The following ZC4H2 variants were observed in gnomAD, a reference collection of about 807,000 sequenced individuals.
ZC4H2 encodes zinc finger C4H2-type containing.
For missense variants in ZC4H2, 137 were observed against 173.9 expected, an observed-to-expected ratio of 0.79 and a Z score of 1.19; for synonymous variants, 84 against 66.3, an observed-to-expected ratio of 1.27 and a Z score of -1.30.
intron 1 of ZC4H2, among the ~76,000 whole-genome samples, chrX:64,983,745 G>A (rs945969103): frequency 2.7e-5 from 3 of 111,253 alleles, no homozygotes; most frequent in South Asian, 3.8e-4. Flanking sequence ...GTAGCTCTAC[G>A]GAATAGTATT....
chrX:64,964,234 A>G (rs978841540), intron 1 of ZC4H2, among the ~76,000 whole-genome samples: 1 of 111,307 alleles, frequency 9.0e-6, no homozygotes, highest in African/African-American at 3.3e-5. Flanking sequence ...AATCAAATTA[A>G]ATTAAATTGA....
At chrX:64,930,648 T>A (rs939538683) in intron 1 of ZC4H2, among the ~76,000 whole-genome samples, 3 of 112,414 alleles carry the variant, frequency 2.7e-5, no homozygotes, top group Non-Finnish European at 5.6e-5. Flanking sequence ...TTTGATTCTG[T>A]TTATGTGATG....
upstream of ZC4H2, among the ~76,000 whole-genome samples, chrX:64,981,112 T>C (rs1159916104): frequency 1.4e-4 from 15 of 108,865 alleles, no homozygotes; most frequent in African/African-American, 5.0e-4. Flanking sequence ...GCTTAGCCTA[T>C]GAAAAAAAAA....
intron 1 of ZC4H2, among the ~76,000 whole-genome samples, chrX:64,953,656 A>C (rs1295954089): frequency 8.9e-6 from 1 of 112,043 alleles, no homozygotes; most frequent in African/African-American, 3.2e-5. Context: ...ATCATTAAAA[A>C]GTCAGGGAAC....
chrX:64,981,441 G>T (rs779596138), upstream of ZC4H2, among the ~76,000 whole-genome samples: 2 of 110,923 alleles, frequency 1.8e-5, no homozygotes, highest in South Asian at 7.8e-4. Flanking sequence ...TAGATATGAA[G>T]AAAAATGGGC....
chrX:64,919,528 C>T (rs1929085245), intron 3 of ZC4H2: 1 of 185,760 alleles, frequency 5.4e-6, no homozygotes, highest in Admixed American at 6.9e-5. Flanking sequence ...CCTCTGGTGA[C>T]ATATCTCTAA....
intron 1 of ZC4H2, among the ~76,000 whole-genome samples, chrX:64,954,356 TTA>T (rs777562741): frequency 0.076 from 5,102 of 67,318 alleles, 225 homozygotes; most frequent in Non-Finnish European, 0.093. Context: ...ATATATATAA[TTA>T]TATATATATA....
At position 64,921,930 on chromosome X, in the gene ZC4H2, G is replaced by C; in HGVS notation, c.112C>G (p.Leu38Val). The change falls in exon 2 of 5, where the codon CTT (leucine) becomes GTT (valine). Residue 38 changes from leucine (L) to valine (V), a missense_variant. Physicochemically the swap from Leu to Val is conservative, Grantham distance 32 (BLOSUM62 1). Transcript: ENST00000374839. ...TTCAGGTGCCTTTCCTCTGACTCAAGTGCCTCAAACTCAGCCTTCAAACGA... is the reference window on the plus strand; with the variant it reads ...TTCAGGTGCCTTTCCTCTGACTCAACTGCCTCAAACTCAGCCTTCAAACGA... ...KARLKAEFEA[L>V]ESEERHLKEY... 1 of 1,210,992 alleles carries C rather than the reference G, an allele frequency of 8.3e-7. No homozygotes were observed. The highest frequency in any genetic ancestry group is 1.1e-6 in the Non-Finnish European group (1 of 895,438).
At chrX:64,976,531 A>G, upstream of ZC4H2, 2 of 535,110 alleles carry the variant, frequency 3.7e-6, no homozygotes, top group East Asian at 3.4e-5. Flanking sequence ...CCGGAGCTTC[A>G]GGGCCAGCCA....
At chrX:64,999,039 GTTTTTTTTTT>G (rs58094683) in intron 1 of ZC4H2, among the ~76,000 whole-genome samples, 1 of 11,841 alleles carries the variant, frequency 8.4e-5, no homozygotes, top group Non-Finnish European at 1.5e-4. Flanking sequence ...TGGATTATGT[GTTTTTTTTTT>G]TTTTTTTTTT....
At chrX:65,022,365 T>C (rs1569232928) in intron 1 of ZC4H2, among the ~76,000 whole-genome samples, 2 of 111,969 alleles carry the variant, frequency 1.8e-5, no homozygotes, top group East Asian at 2.8e-4. Context: ...GCAAGGCTGG[T>C]TGACCATATG....
At chrX:64,928,779 CTTCTTCTTCTTT>C (rs1219174521) in intron 1 of ZC4H2, among the ~76,000 whole-genome samples, 2 of 99,459 alleles carry the variant, frequency 2.0e-5, no homozygotes, top group East Asian at 3.1e-4. Context: ...TTCTTCTTCT[CTTCTTCTTCTTT>C]TTCTTCTCCT....
chrX:64,960,401 T>A (rs559620898), intron 1 of ZC4H2, among the ~76,000 whole-genome samples: 4 of 111,259 alleles, frequency 3.6e-5, no homozygotes, highest in African/African-American at 1.3e-4. Context: ...TTAGCACACG[T>A]GTATAAGAAA....
rs185779607 is a variant in ZC4H2 at position 64,919,905 on chromosome X, C to G, written c.398+176G>C. 39 of 410,329 alleles carry G rather than the reference C, an allele frequency of 9.5e-5. No individual in the cohort carries two copies. The East Asian group carries it at 1.5e-3, about 16-fold the overall frequency. 33.8% of individuals were successfully genotyped at this position (410,329 alleles called of 1,213,427 possible). A position where few individuals can be genotyped will look rare whatever the true frequency, so the allele number is the denominator to read the frequency against. ...CTGTTTTAACAAGCTGGCACAGAGA[C>G]TTGCCCAAGATCACACAGTGAGTAA... On this transcript the variant is annotated intron_variant, in intron 3 of 4. Transcript: ENST00000374839.
chrX:64,928,791 TTTCTTCTCCTTC>T (rs200029416), intron 1 of ZC4H2, among the ~76,000 whole-genome samples: 2,403 of 98,790 alleles, frequency 0.024, 103 homozygotes, highest in African/African-American at 0.084. Context: ...TCTTCTTCTT[TTTCTTCTCCTTC>T]TTCTTCTCCT....
intron 1 of ZC4H2, among the ~76,000 whole-genome samples, chrX:64,930,566 T>C (rs1402417928): frequency 8.9e-6 from 1 of 111,954 alleles, no homozygotes; most frequent in South Asian, 3.7e-4. Context: ...TTTGTGAGTG[T>C]TTTTATAAAA....
intron 1 of ZC4H2, among the ~76,000 whole-genome samples, chrX:64,924,903 A>G (rs772210627): frequency 9.0e-6 from 1 of 111,171 alleles, no homozygotes; most frequent in Non-Finnish European, 1.9e-5. Context: ...CCTCAGTGGA[A>G]GGGGAATTTT....
chrX:65,009,663 T>C (rs1448409135), intron 1 of ZC4H2, among the ~76,000 whole-genome samples: 1 of 112,153 alleles, frequency 8.9e-6, no homozygotes, highest in Non-Finnish European at 1.9e-5. Context: ...TTATGAAAGA[T>C]TCAGGTTCCC....
chrX:64,974,796 G>A (rs868622424), intron 1 of ZC4H2, among the ~76,000 whole-genome samples: 2 of 109,112 alleles, frequency 1.8e-5, no homozygotes, highest in Non-Finnish European at 3.8e-5. Flanking sequence ...TAAAGTCCTT[G>A]CTCACAACTG....
Sources: allele counts gnomAD v4.1 joint callset (sites outside exome capture counted in the v4.1 genomes callset), GRCh38; gene constraint gnomAD v4.1.1; transcripts MANE v1.5; gene names NCBI Gene and HGNC (gene_info 2026-07-23, HGNC 2026-07-21).